KIF16B: variants seen among roughly 807,000 people sequenced by gnomAD.
KIF16B encodes the protein kinesin-like protein KIF16B.
A neutral mutation model predicts 156.3 loss-of-function variants in KIF16B; 98 were observed. The observed-to-expected ratio is 0.63, with a 90% CI of 0.53 to 0.74. The LOEUF is 0.74. KIF16B is among the 30% of genes least tolerant of loss of function. The probability of loss-of-function intolerance (pLI) is 0.00; values close to 1 mark genes in which losing one functional copy is unlikely to be tolerated. For synonymous variants in KIF16B, 564 were observed against 583.7 expected, an observed-to-expected ratio of 0.97 and a Z score of 0.49; for missense variants, 1,421 against 1,606.5, an observed-to-expected ratio of 0.88 and a Z score of 1.97.
rs572587466 is a variant in KIF16B, at chr20:16,273,166, G to C, written c.*87C>G. 4 of 1,174,128 alleles carry C rather than the reference G, an allele frequency of 3.4e-6. No homozygotes were observed. The Admixed American group carries it at 5.3e-5, about 16-fold the overall frequency. 72.7% of individuals were successfully genotyped at this position (1,174,128 alleles called of 1,614,324 possible). On this transcript the variant is annotated 3_prime_UTR_variant, in exon 26 of 26. Coordinates refer to ENST00000354981, the MANE Select transcript of KIF16B (RefSeq NM_024704.5). ...GTCTTCAGCAGGAGGAGGCAGACCC[G>C]GATCCTCGCATGGGGGAGCTGCCCT...
intron 1 of KIF16B, among the ~76,000 whole-genome samples, chr20:16,570,446 G>C (rs1257541235): frequency 2.6e-5 from 4 of 152,170 alleles, no homozygotes; most frequent in African/African-American, 7.2e-5. Context: ...GATCAATGCA[G>C]AGGCGTCTGT....
intron 1 of KIF16B, among the ~76,000 whole-genome samples, chr20:16,550,375 T>G (rs6135791): frequency 0.36 from 53,815 of 151,482 alleles, 9,581 homozygotes; most frequent in African/African-American, 0.38. Context: ...TGTGGAGAAA[T>G]AGGAACACTA....
chr20:16,365,101 TTTTC>T (rs1372246298), intron 22 of KIF16B, among the ~76,000 whole-genome samples: 1 of 152,264 alleles, frequency 6.6e-6, no homozygotes, highest in African/African-American at 2.4e-5. Flanking sequence ...CATTAATTGT[TTTTC>T]TTTCTTTCTT....
chr20:16,506,752 G>GC (rs2068791562), intron 7 of KIF16B, among the ~76,000 whole-genome samples: 1 of 151,704 alleles, frequency 6.6e-6, no homozygotes, highest in Non-Finnish European at 1.5e-5. Flanking sequence ...ACCAAAATGC[G>GC]CCCCCCGCCA....
intron 12 of KIF16B, among the ~76,000 whole-genome samples, chr20:16,486,216 T>C (rs543970122): frequency 1.3e-5 from 2 of 152,182 alleles, no homozygotes; most frequent in South Asian, 4.2e-4. Flanking sequence ...GCTCACTGGG[T>C]ATACCTTGTG....
intron 25 of KIF16B, among the ~76,000 whole-genome samples, chr20:16,290,768 A>G (rs1318411039): frequency 6.6e-6 from 1 of 152,102 alleles, no homozygotes; most frequent in African/African-American, 2.4e-5. Flanking sequence ...AATTATTTGC[A>G]CCAATGATCC....
intron 12 of KIF16B, among the ~76,000 whole-genome samples, chr20:16,490,049 G>A (rs1016292091): frequency 2.0e-5 from 3 of 152,128 alleles, no homozygotes; most frequent in African/African-American, 7.2e-5. Context: ...CTGTCACTCT[G>A]CCCACTAGGT....
At chr20:16,409,972 T>C (rs1269801404) in intron 15 of KIF16B, among the ~76,000 whole-genome samples, 545 of 27,466 alleles carry the variant, frequency 0.02, 68 homozygotes, top group Admixed American at 0.04. Flanking sequence ...TATATATACA[T>C]ATATATATAT....
chr20:16,286,139 T>A (rs1041002268), intron 25 of KIF16B, among the ~76,000 whole-genome samples: 1 of 152,234 alleles, frequency 6.6e-6, no homozygotes, highest in Non-Finnish European at 1.5e-5. Context: ...CAGTGTCTCG[T>A]ACACAGTAGG....
At chr20:16,487,225 C>A (rs931298270) in intron 12 of KIF16B, among the ~76,000 whole-genome samples, 1 of 151,438 alleles carries the variant, frequency 6.6e-6, no homozygotes, top group Non-Finnish European at 1.5e-5. Context: ...GCACTCCAGC[C>A]TGGGTGACAG....
chr20:16,298,560 T>C (rs2063424981), intron 25 of KIF16B, among the ~76,000 whole-genome samples: 1 of 152,192 alleles, frequency 6.6e-6, no homozygotes, highest in African/African-American at 2.4e-5. Context: ...TCAGTGGTGA[T>C]ATCCCCTATA....
intron 24 of KIF16B, among the ~76,000 whole-genome samples, chr20:16,324,616 T>C (rs1236330631): frequency 6.6e-6 from 1 of 152,044 alleles, no homozygotes; most frequent in Non-Finnish European, 1.5e-5. Context: ...TGAATGAGTC[T>C]GTCATTAATT....
intron 12 of KIF16B, among the ~76,000 whole-genome samples, chr20:16,489,990 CAT>C (rs1403653132): frequency 6.6e-6 from 1 of 152,004 alleles, no homozygotes; most frequent in African/African-American, 2.4e-5. Context: ...AGAAGAAAAA[CAT>C]AGCGAAGAGC....
At chr20:16,273,539 A>G (rs2063014026) in intron 25 of KIF16B, 128 bp from the exon 26 acceptor site, 1 of 701,964 alleles carries the variant, frequency 1.4e-6, no homozygotes, top group African/African-American at 1.8e-5. Context: ...AAAAATAAAG[A>G]AATTAGCTGG....
At chr20:16,323,836 GC>G (rs1182808128) in intron 24 of KIF16B, among the ~76,000 whole-genome samples, 1 of 151,404 alleles carries the variant, frequency 6.6e-6, no homozygotes, top group Non-Finnish European at 1.5e-5. Context: ...TCACCAAAAA[GC>G]TAAAACTTAG....
chr20:16,539,750 G>T (rs1019069899), intron 1 of KIF16B, among the ~76,000 whole-genome samples: 3 of 152,200 alleles, frequency 2.0e-5, no homozygotes, highest in Non-Finnish European at 4.4e-5. Flanking sequence ...TGCAATGGAA[G>T]AACAGCCTAA....
At chr20:16,285,322 T>C (rs899415341) in intron 25 of KIF16B, among the ~76,000 whole-genome samples, 2 of 152,220 alleles carry the variant, frequency 1.3e-5, no homozygotes, top group South Asian at 4.1e-4. Context: ...GAAAATGCCA[T>C]ACACACAGAT....
At chr20:16,485,864 C>CACATATATAT (rs1339939393) in intron 12 of KIF16B, among the ~76,000 whole-genome samples, 1 of 151,910 alleles carries the variant, frequency 6.6e-6, no homozygotes, top group Non-Finnish European at 1.5e-5. Context: ...CACACATACA[C>CACATATATAT]ACATATATAT....
At chr20:16,424,797 G>T (rs1434491438) in intron 15 of KIF16B, among the ~76,000 whole-genome samples, 2 of 151,968 alleles carry the variant, frequency 1.3e-5, no homozygotes, top group African/African-American at 2.4e-5. Context: ...GTGAGGAGGG[G>T]GCAGGAATAA....
Sources: allele counts gnomAD v4.1 joint callset (sites outside exome capture counted in the v4.1 genomes callset), GRCh38; gene constraint gnomAD v4.1.1; transcripts MANE v1.5; gene names NCBI Gene and HGNC (gene_info 2026-07-23, HGNC 2026-07-21).